The following ERBB4 variants were observed in gnomAD, a reference collection of about 807,000 sequenced individuals.
ERBB4 encodes erb-b2 receptor tyrosine kinase 4, also known as receptor tyrosine-protein kinase erbB-4.
A neutral mutation model predicts 158.0 loss-of-function variants in ERBB4; 42 were observed. The ratio of observed to expected loss-of-function variants is 0.27; its 90% CI spans 0.21 to 0.34. The LOEUF (loss-of-function observed/expected upper bound fraction) is 0.34. Among genes scored for constraint, ERBB4 ranks in the 10% least tolerant of loss-of-function variants. The pLI is 1.00. For missense variants in ERBB4, 1,333 were observed against 1,624.1 expected, an observed-to-expected ratio of 0.82 and a Z score of 3.08; for synonymous variants, 583 against 558.7, an observed-to-expected ratio of 1.04 and a Z score of -0.61.
rs547849369 is a variant in ERBB4 at position 211,609,384 on chromosome 2, C to A, written c.2301+9793G>T. Among the ~76,000 whole-genome samples the A allele has an allele frequency of 2.6e-5, 4 of 152,008 alleles. No homozygotes were observed. In the East Asian group the frequency reaches 5.8e-4, roughly 22 times the overall value. The stretch of plus-strand genomic sequence containing the variant: ...ATCAACAAGAATTTAGACAGACAGG[C>A]CTTGCTGGGTTTCCTCACTCAATTA... On this transcript the variant is annotated intron_variant, in intron 19 of 27. Transcript: ENST00000342788.
Position 211,891,722 on chromosome 2 carries a change from G to T in ERBB4, c.421+55708C>A, listed in dbSNP as rs1237061251. Among the ~76,000 whole-genome samples the T allele has an allele frequency of 1.4e-5, 2 of 138,556 alleles. 1 individual carries two copies. Among genetic ancestry groups the T allele is most frequent in the Non-Finnish European group, 3.1e-5 (2 of 64,652 alleles). 90.9% of individuals were successfully genotyped at this position (138,556 alleles called of 152,430 possible). ...AGACACAATAAAAAATGATAAACGG[G>T]ATATCACCACCGATCCCACAGAAAT... On this transcript the variant is annotated intron_variant, in intron 3 of 27. Coordinates refer to ENST00000342788, the MANE Select transcript of ERBB4 (RefSeq NM_005235.3).
intron 1 of ERBB4, among the ~76,000 whole-genome samples, chr2:212,474,282 T>A (rs1302850973): frequency 6.6e-6 from 1 of 152,040 alleles, no homozygotes; most frequent in Admixed American, 6.6e-5. Flanking sequence ...TAAATGATTG[T>A]TTAATTGAAA....
At chr2:211,728,847 T>G (rs961297873) in intron 5 of ERBB4, among the ~76,000 whole-genome samples, 3 of 151,842 alleles carry the variant, frequency 2.0e-5, no homozygotes, top group African/African-American at 7.2e-5. Flanking sequence ...TTTCTCTGTA[T>G]TTACTTTGGT....
intron 1 of ERBB4, among the ~76,000 whole-genome samples, chr2:212,212,728 C>A (rs908891327): frequency 6.6e-6 from 1 of 151,984 alleles, no homozygotes; most frequent in African/African-American, 2.4e-5. Flanking sequence ...ACATGTAGAC[C>A]AATGGAGCAG....
rs1344288425 is a variant in ERBB4, at chr2:212,282,752, T to C, written c.83-157849A>G. On this transcript the variant is annotated intron_variant, in intron 1 of 27. Coordinates refer to ENST00000342788, the MANE Select transcript of ERBB4 (RefSeq NM_005235.3). ...GTGCCTGGGAATTTGTATTTTTAAG[T>C]GGCTCCCCCAGGTGACTTTGGTAAT... Among the ~76,000 whole-genome samples, 5 of 151,896 alleles carry C rather than the reference T, an allele frequency of 3.3e-5. No individual in the cohort carries two copies. In the East Asian group the frequency reaches 9.7e-4, roughly 29 times the overall value.
At chr2:212,378,952 C>T (rs966114182) in intron 1 of ERBB4, among the ~76,000 whole-genome samples, 2 of 151,680 alleles carry the variant, frequency 1.3e-5, no homozygotes, top group Non-Finnish European at 2.9e-5. Context: ...TAATATTCAT[C>T]GTATGGCACC....
rs111326731 is a variant in ERBB4, at chr2:212,486,735, C to G, written c.82+51714G>C. ...CTCAGGGCAGACAGAAATATAAACA[C>G]AACAGAGTGAAATCCAAAGACTCTG... On this transcript the variant is annotated intron_variant, in intron 1 of 27. Coordinates refer to ENST00000342788, the MANE Select transcript of ERBB4 (RefSeq NM_005235.3). Among the ~76,000 whole-genome samples, 222 of 152,166 alleles carry G rather than the reference C, an allele frequency of 1.5e-3. 2 individuals are homozygous for G. The highest frequency in any genetic ancestry group is 6.8e-3 in the Middle Eastern group (2 of 294).
At chr2:211,641,836 C>T (rs897192769) in intron 16 of ERBB4, among the ~76,000 whole-genome samples, 3 of 151,950 alleles carry the variant, frequency 2.0e-5, no homozygotes, top group Non-Finnish European at 4.4e-5. Context: ...CACTACTAGA[C>T]CAAACTTGAT....
intron 1 of ERBB4, among the ~76,000 whole-genome samples, chr2:212,384,918 TATAC>T (rs757608404): frequency 0.026 from 3,523 of 133,586 alleles, 38 homozygotes; most frequent in South Asian, 0.057. Flanking sequence ...TATATATATA[TATAC>T]ACACACACAC....
In ERBB4 at chr2:212,296,190, A is replaced by G. The variant is rs566855738; in HGVS notation, c.83-171287T>C. Among the ~76,000 whole-genome samples the G allele has an allele frequency of 3.3e-5, 5 of 152,102 alleles. No individual in the cohort carries two copies. The East Asian group carries it at 9.8e-4, about 30-fold the overall frequency. On this transcript the variant is annotated intron_variant, in intron 1 of 27. Transcript: ENST00000342788. ...TGTATTAGCAATCATAGGGAACACCATGATGGTCAGTGTTCAGACTTGATG... is the reference window on the plus strand; with the variant it reads ...TGTATTAGCAATCATAGGGAACACCGTGATGGTCAGTGTTCAGACTTGATG...
At chr2:212,462,447 C>A (rs1688623284) in intron 1 of ERBB4, among the ~76,000 whole-genome samples, 1 of 152,048 alleles carries the variant, frequency 6.6e-6, no homozygotes, top group East Asian at 1.9e-4. Flanking sequence ...GGTAAAGTAT[C>A]TGAACAGATA....
chr2:211,814,833 A>G (rs576034201), intron 3 of ERBB4, among the ~76,000 whole-genome samples: 1 of 152,320 alleles, frequency 6.6e-6, no homozygotes, highest in African/African-American at 2.4e-5. Context: ...GTGTCATAGT[A>G]CAATGATAGG....
chr2:212,120,859 A>C (rs1376456447), intron 2 of ERBB4, among the ~76,000 whole-genome samples: 1 of 152,158 alleles, frequency 6.6e-6, no homozygotes, highest in African/African-American at 2.4e-5. Flanking sequence ...GGTATATACA[A>C]ATTTATTATC....
At chr2:211,749,026 T>C (rs2075052547) in intron 5 of ERBB4, among the ~76,000 whole-genome samples, 2 of 152,246 alleles carry the variant, frequency 1.3e-5, no homozygotes. Context: ...TTAAGATTCT[T>C]GTCAATACAT....
chr2:211,650,419 TATC>T (rs2070939621), intron 16 of ERBB4, among the ~76,000 whole-genome samples: 1 of 152,114 alleles, frequency 6.6e-6, no homozygotes, highest in African/African-American at 2.4e-5. Context: ...AGACTCAAAT[TATC>T]ATAATTTAGT....
intron 1 of ERBB4, among the ~76,000 whole-genome samples, chr2:212,393,469 A>G (rs2090937694): frequency 6.6e-6 from 1 of 152,102 alleles, no homozygotes; most frequent in Admixed American, 6.6e-5. Context: ...ATAATATATC[A>G]TTACTTAACA....
chr2:211,984,370 A>T (rs1323700555), intron 2 of ERBB4, among the ~76,000 whole-genome samples: 1 of 152,196 alleles, frequency 6.6e-6, no homozygotes, highest in African/African-American at 2.4e-5. Flanking sequence ...AAAATAACTA[A>T]AAATGAAAAA....
intron 3 of ERBB4, among the ~76,000 whole-genome samples, chr2:211,882,672 T>C (rs892539977): frequency 2.0e-5 from 3 of 152,184 alleles, no homozygotes; most frequent in African/African-American, 7.2e-5. Flanking sequence ...TAAAAATGTA[T>C]CATTATTAAA....
chr2:211,502,486 T>C (rs1181575776), intron 20 of ERBB4, among the ~76,000 whole-genome samples: 1 of 152,140 alleles, frequency 6.6e-6, no homozygotes, highest in Non-Finnish European at 1.5e-5. Flanking sequence ...AACTGTATTA[T>C]AAAGCAATCT....
Sources: allele counts gnomAD v4.1 joint callset (sites outside exome capture counted in the v4.1 genomes callset), GRCh38; gene constraint gnomAD v4.1.1; transcripts MANE v1.5; gene names NCBI Gene and HGNC (gene_info 2026-07-23, HGNC 2026-07-21).